The following LNX2 variants were observed in gnomAD, a reference collection of about 807,000 sequenced individuals.
The protein encoded by LNX2 is ligand of numb-protein X 2.
A neutral mutation model predicts 66.2 loss-of-function variants in LNX2; 35 were observed. The observed-to-expected ratio is 0.53, with a 90% CI of 0.40 to 0.70. The LOEUF (loss-of-function observed/expected upper bound fraction) is 0.70. Among genes scored for constraint, LNX2 ranks in the 30% least tolerant of loss-of-function variants. The probability of loss-of-function intolerance (pLI) is 0.00; values close to 1 mark genes in which losing one functional copy is unlikely to be tolerated. For missense variants in LNX2, 791 were observed against 850.8 expected (o/e 0.93, Z 0.87); for synonymous variants, 337 against 315.6 (o/e 1.07, Z -0.72).
chr13:27,569,314 G>GAAA, intron 2 of LNX2, 38 bp from the exon 3 acceptor site: 1 of 1,587,216 alleles, frequency 6.3e-7, no homozygotes, highest in Non-Finnish European at 8.5e-7. Flanking sequence ...AGATGATTTT[G>GAAA]AAAACAAACA....
At chr13:27,617,782 C>A (rs1955843397) in intron 1 of LNX2, among the ~76,000 whole-genome samples, 1 of 152,176 alleles carries the variant, frequency 6.6e-6, no homozygotes, top group Non-Finnish European at 1.5e-5. Flanking sequence ...CTCAACCATC[C>A]ATTTAGCACC....
At chr13:27,599,703 CT>C (rs1296315265) in intron 1 of LNX2, among the ~76,000 whole-genome samples, 61 of 152,160 alleles carry the variant, frequency 4.0e-4, no homozygotes, top group African/African-American at 1.5e-3. Context: ...ACTTTGGCAA[CT>C]CTTACTTTCC....
upstream of LNX2, chr13:27,620,805 C>G (rs1402025788): frequency 6.5e-6 from 1 of 153,576 alleles, no homozygotes; most frequent in African/African-American, 2.4e-5. Context: ...CCGCCTGATT[C>G]CCCTGCGGAA....
intron 6 of LNX2, among the ~76,000 whole-genome samples, chr13:27,556,708 T>C (rs558815992): frequency 6.6e-6 from 1 of 152,340 alleles, no homozygotes; most frequent in African/African-American, 2.4e-5. Context: ...TTGAGCTTCA[T>C]GTTTGATCAA....
At chr13:27,587,670 C>T (rs956668636) in intron 1 of LNX2, among the ~76,000 whole-genome samples, 2 of 152,206 alleles carry the variant, frequency 1.3e-5, no homozygotes, top group Admixed American at 1.3e-4. Context: ...GGTATCAACA[C>T]AGGAAAATTT....
chr13:27,606,378 GA>G (rs61005685), intron 1 of LNX2, among the ~76,000 whole-genome samples: 5,650 of 118,076 alleles, frequency 0.048, 121 homozygotes, highest in East Asian at 0.1. Context: ...GATTTATAGC[GA>G]AAAAAAAAAA....
At chr13:27,612,709 C>T (rs1285136271) in intron 1 of LNX2, among the ~76,000 whole-genome samples, 6 of 152,164 alleles carry the variant, frequency 3.9e-5, no homozygotes, top group African/African-American at 1.4e-4. Context: ...GGTGATCCTC[C>T]CACCTTAGCC....
intron 1 of LNX2, among the ~76,000 whole-genome samples, chr13:27,609,932 T>C (rs546850621): frequency 8.1e-4 from 123 of 152,302 alleles, no homozygotes; most frequent in African/African-American, 2.7e-3. Context: ...TGTCCCAAAA[T>C]AGAATTATGT....
intron 1 of LNX2, among the ~76,000 whole-genome samples, chr13:27,616,179 T>TG (rs1373290558): frequency 1.8e-3 from 29 of 16,504 alleles, no homozygotes; most frequent in African/African-American, 2.8e-3. Flanking sequence ...GGGGGTGGGG[T>TG]GGGGGGTTGG....
At chr13:27,572,304 G>C (rs1176645625) in intron 2 of LNX2, among the ~76,000 whole-genome samples, 2 of 152,136 alleles carry the variant, frequency 1.3e-5, no homozygotes, top group Non-Finnish European at 2.9e-5. Flanking sequence ...GTTTATTCAG[G>C]CAGGTGACTC....
chr13:27,574,274 G>A (rs576606811), intron 2 of LNX2, among the ~76,000 whole-genome samples: 14 of 152,236 alleles, frequency 9.2e-5, no homozygotes, highest in African/African-American at 2.4e-4. Flanking sequence ...GTGAAACCCC[G>A]TCTCTACTAA....
intron 6 of LNX2, among the ~76,000 whole-genome samples, chr13:27,557,350 T>A (rs143934756): frequency 6.6e-6 from 1 of 152,132 alleles, no homozygotes; most frequent in East Asian, 1.9e-4. Context: ...GCAACTGTCC[T>A]GGGATTCAAA....
intron 4 of LNX2, among the ~76,000 whole-genome samples, chr13:27,564,369 T>G (rs1454793903): frequency 3.8e-5 from 2 of 52,212 alleles, no homozygotes; most frequent in African/African-American, 2.0e-4. Context: ...CTAAATGTAT[T>G]TTTTTATCAA....
chr13:27,578,462 G>C (rs1218371500), intron 2 of LNX2, among the ~76,000 whole-genome samples: 1 of 152,134 alleles, frequency 6.6e-6, no homozygotes. Flanking sequence ...GCTAGTTTAT[G>C]TTGGTTTTAG....
At chr13:27,572,442 T>C (rs1000988178) in intron 2 of LNX2, among the ~76,000 whole-genome samples, 2 of 152,208 alleles carry the variant, frequency 1.3e-5, no homozygotes, top group Admixed American at 6.5e-5. Context: ...TCTGAGATGG[T>C]GGGCTGCTGA....
intron 1 of LNX2, among the ~76,000 whole-genome samples, chr13:27,606,158 A>G (rs118044360): frequency 9.6e-4 from 146 of 152,342 alleles, no homozygotes; most frequent in Non-Finnish European, 1.9e-3. Context: ...ATAATTTTTA[A>G]TTAAGCACAA....
Position 27,568,875 on chromosome 13 carries a change from A to T in LNX2, c.655+154T>A, listed in dbSNP as rs551260167. ...AATTGTACAATGAAAAGGGTGAATG[A>T]TGTATATAAATTATATCTCAATGAA... On this transcript the variant is annotated intron_variant, in intron 3 of 9. Transcript: ENST00000316334. Among the ~76,000 whole-genome samples, 21 of 152,354 alleles carry T rather than the reference A, an allele frequency of 1.4e-4. No individual in the cohort carries two copies. In the South Asian group the frequency reaches 4.3e-3, roughly 32 times the overall value.
intron 1 of LNX2, among the ~76,000 whole-genome samples, chr13:27,586,075 TATATC>T (rs1220655381): frequency 6.7e-6 from 1 of 148,976 alleles, no homozygotes; most frequent in Non-Finnish European, 1.5e-5. Flanking sequence ...AGGCAGTACA[TATATC>T]TATATCTATA....
At chr13:27,619,345 A>T (rs917017295) in intron 1 of LNX2, among the ~76,000 whole-genome samples, 3 of 151,758 alleles carry the variant, frequency 2.0e-5, no homozygotes, top group Non-Finnish European at 1.5e-5. Context: ...GGGGGTGGGA[A>T]TCAAATCTAG....
Sources: gnomAD v4.1 joint callset for allele counts (sites outside exome capture counted in the v4.1 genomes callset) on GRCh38, gnomAD v4.1.1 for gene constraint, MANE v1.5 for transcripts, NCBI Gene and HGNC (gene_info 2026-07-23, HGNC 2026-07-21) for gene names.